The following NFU1 variants were observed in gnomAD, a reference collection of about 807,000 sequenced individuals.
The protein encoded by NFU1 is NFU1 iron-sulfur cluster scaffold, also known as NFU1 iron-sulfur cluster scaffold homolog, mitochondrial.
A neutral mutation model predicts 32.2 loss-of-function variants in NFU1; 30 were observed. That is an observed-to-expected ratio of 0.93 (90% confidence interval 0.70 to 1.26). The LOEUF (loss-of-function observed/expected upper bound fraction) is 1.26, where lower values mean the gene tolerates loss of function less well. Ranked by LOEUF, NFU1 falls within the 50% of genes most tolerant of loss-of-function variation. NFU1 has a pLI of 0.00. For synonymous variants in NFU1, 112 were observed against 104.6 expected, an observed-to-expected ratio of 1.07 and a Z score of -0.43; for missense variants, 306 against 306.6, an observed-to-expected ratio of 1.00 and a Z score of 0.02.
At position 69,396,199 on chromosome 2, in the gene NFU1, A is replaced by G. The variant is rs377513090; in HGVS notation, c.*47T>C. 10 of 1,464,682 alleles carry G rather than the reference A, an allele frequency of 6.8e-6. No individual in the cohort carries two copies. The African/African-American group carries it at 1.3e-4, about 18-fold the overall frequency. The allele number at this position is 1,464,682 out of a possible 1,614,324, so 90.7% of individuals were successfully genotyped here. On this transcript the variant is annotated 3_prime_UTR_variant, in exon 8 of 8. Coordinates refer to ENST00000410022, the MANE Select transcript of NFU1 (RefSeq NM_001002755.4). ...TATTAATAATAAAAACTTGATATAT[A>G]TTATCAACAAGTCTGACTGTTATGC...
intron 5 of NFU1, among the ~76,000 whole-genome samples, chr2:69,412,443 G>A (rs1444945703): frequency 1.3e-5 from 2 of 149,094 alleles, no homozygotes; most frequent in East Asian, 4.1e-4. Context: ...CTGGAGTGCA[G>A]TGGCATGATC....
At chr2:69,410,316 G>A (rs1672836485) in intron 5 of NFU1, among the ~76,000 whole-genome samples, 1 of 152,082 alleles carries the variant, frequency 6.6e-6, no homozygotes, top group Non-Finnish European at 1.5e-5. Flanking sequence ...TTGAACCTGG[G>A]AGGTGGAGGT....
In NFU1 at chr2:69,423,706, A is replaced by G. The variant is rs571052491; in HGVS notation, c.178T>C (p.Phe60Leu). ...TTTGGGGTATCTTGTGTTTGAATAAACATGTATCTCACTAAAAAAGAAAAA... is the reference window on the plus strand; with the variant it reads ...TTTGGGGTATCTTGTGTTTGAATAAGCATGTATCTCACTAAAAAAGAAAAA... ...AAFYHPVRYM[F>L]IQTQDTPNPN... is the part of the protein sequence containing the mutation. The change falls in exon 3 of 8, where the codon TTT (phenylalanine) becomes CTT (leucine). Residue 60 changes from phenylalanine (F) to leucine (L), a missense_variant. By Grantham distance (22) the Phe-to-Leu change is conservative. Transcript: ENST00000410022. 3.1e-6 allele frequency: 5 copies of G among 1,599,626 alleles called. No homozygotes were observed. In the South Asian group the frequency reaches 3.3e-5, roughly 11 times the overall value.
upstream of NFU1, among the ~76,000 whole-genome samples, chr2:69,438,712 C>T (rs978524699): frequency 6.6e-6 from 1 of 152,178 alleles, no homozygotes; most frequent in African/African-American, 2.4e-5. Flanking sequence ...CTAGTAATTT[C>T]TATGGCCCAC....
At chr2:69,426,834 C>T (rs1198193096) in intron 2 of NFU1, among the ~76,000 whole-genome samples, 1 of 150,578 alleles carries the variant, frequency 6.6e-6, no homozygotes, top group Non-Finnish European at 1.5e-5. Flanking sequence ...TTTGGGAGGC[C>T]GAGGCGGGCG....
chr2:69,396,712 G>A (rs1672348764), intron 7 of NFU1, among the ~76,000 whole-genome samples: 2 of 152,214 alleles, frequency 1.3e-5, no homozygotes, highest in South Asian at 4.2e-4. Flanking sequence ...TTAAAGCATT[G>A]ATCACTTCTC....
At chr2:69,423,353 C>G (rs577884521) in intron 3 of NFU1, among the ~76,000 whole-genome samples, 3 of 151,196 alleles carry the variant, frequency 2.0e-5, no homozygotes, top group African/African-American at 7.3e-5. Context: ...CTCCTGGACT[C>G]AAGCAATCCT....
upstream of NFU1, among the ~76,000 whole-genome samples, chr2:69,439,108 A>G (rs75250835): frequency 0.012 from 1,812 of 152,100 alleles, 36 homozygotes; most frequent in African/African-American, 0.041. Flanking sequence ...TCTTCCCTTC[A>G]GAACCAAGTG....
chr2:69,419,041 G>GTGGTGGCTCA lies in NFU1; in HGVS notation c.369+487_369+496dup, dbSNP rs140627531. On this transcript the variant is annotated intron_variant, in intron 4 of 7. Transcript: ENST00000410022. ...AAAACATAGCATATTTTTTATAGGCGTGGTGGCTCACGCCTGTAATCCCAG... is the reference window on the plus strand; with the variant it reads ...AAAACATAGCATATTTTTTATAGGCGTGGTGGCTCATGGTGGCTCACGCCTGTAATCCCAG... 9.2e-3 allele frequency among the ~76,000 whole-genome samples: 1,402 copies of GTGGTGGCTCA among 152,178 alleles called. 22 individuals are homozygous for GTGGTGGCTCA. Among genetic ancestry groups the GTGGTGGCTCA allele is most frequent in the African/African-American group, 0.033 (1,350 of 41,526 alleles).
At chr2:69,403,787 A>G (rs1354275876) in intron 6 of NFU1, among the ~76,000 whole-genome samples, 1 of 151,544 alleles carries the variant, frequency 6.6e-6, no homozygotes. Flanking sequence ...CTCTTCAACT[A>G]TGTCCAATCT....
Position 69,437,429 on chromosome 2 carries a change from C to T in NFU1, c.-7G>A, listed in dbSNP as rs1208588409. ...GCCTGGCCGTCGCCGCCATCTTAGT[C>T]CGGAGTGCCTAAGGGTCTCCCTGAC... On this transcript the variant is annotated 5_prime_UTR_variant, in exon 1 of 8. Coordinates refer to ENST00000410022, the MANE Select transcript of NFU1 (RefSeq NM_001002755.4). 1.9e-6 allele frequency: 3 copies of T among 1,610,540 alleles called. No individual in the cohort carries two copies. The highest frequency in any genetic ancestry group is 1.1e-5 in the South Asian group (1 of 90,916).
upstream of NFU1, chr2:69,437,653 C>G: frequency 3.2e-6 from 2 of 630,420 alleles, no homozygotes; most frequent in South Asian, 3.5e-5. Context: ...TTGGTTAATT[C>G]ACGCAGCACT....
At chr2:69,419,680 A>G (rs1673177990) in intron 3 of NFU1, 76 bp from the exon 4 acceptor site, 1 of 875,144 alleles carries the variant, frequency 1.1e-6, no homozygotes, top group Admixed American at 2.2e-5. Flanking sequence ...AAAGTAGAGA[A>G]AAGTAAAAAA....
At chr2:69,400,079 G>T (rs1444800960) in intron 7 of NFU1, among the ~76,000 whole-genome samples, 1 of 151,998 alleles carries the variant, frequency 6.6e-6, no homozygotes, top group Non-Finnish European at 1.5e-5. Flanking sequence ...CTCCATGTTG[G>T]TCAGGCTGGT....
intron 2 of NFU1, 36 bp downstream of exon 2, chr2:69,431,866 T>C: frequency 7.8e-7 from 1 of 1,285,904 alleles, no homozygotes; most frequent in Non-Finnish European, 1.1e-6. Flanking sequence ...CATCAGTTTC[T>C]GAAACACAAC....
In NFU1 at chr2:69,415,268, T is replaced by C; in HGVS notation, c.401A>G (p.Lys134Arg). ...CATGATTGTTGCATAAATATCTGGT[T>C]TCAGTAAATTCCAGTCTAATTCTTC... ...ENEELDWNLL[K>R]PDIYATIMDF... Residue 134 changes from lysine to arginine, a missense_variant, in exon 5 of 8, where the codon AAA becomes AGA. Physicochemically the swap from Lys to Arg is conservative, Grantham distance 26. Transcript: ENST00000410022. The C allele has an allele frequency of 6.2e-7, 1 of 1,610,966 alleles. No individual in the cohort carries two copies. The highest frequency in any genetic ancestry group is 8.5e-7 in the Non-Finnish European group (1 of 1,177,292).
intron 2 of NFU1, among the ~76,000 whole-genome samples, chr2:69,426,449 C>G (rs954045870): frequency 7.9e-5 from 12 of 151,818 alleles, no homozygotes; most frequent in African/African-American, 2.9e-4. Flanking sequence ...CCAAGCCCAG[C>G]TAATTTTTGT....
At chr2:69,423,135 C>T (rs866099416) in intron 3 of NFU1, among the ~76,000 whole-genome samples, 2 of 117,120 alleles carry the variant, frequency 1.7e-5, no homozygotes, top group African/African-American at 3.1e-5. Flanking sequence ...CACCATCACA[C>T]TCAGCTAAAT....
chr2:69,421,804 C>T (rs189251828), intron 3 of NFU1, among the ~76,000 whole-genome samples: 2 of 151,782 alleles, frequency 1.3e-5, no homozygotes, highest in East Asian at 1.9e-4. Context: ...TGACATGATC[C>T]GCCCGCCTCG....
Sources: gnomAD v4.1 joint callset for allele counts (sites outside exome capture counted in the v4.1 genomes callset) on GRCh38, gnomAD v4.1.1 for gene constraint, MANE v1.5 for transcripts, NCBI Gene and HGNC (gene_info 2026-07-23, HGNC 2026-07-21) for gene names.